Variants in NRG1 observed in about 807,000 individuals in gnomAD.
NRG1 encodes neuregulin 1.
In NRG1, 18 loss-of-function variants were observed where a neutral mutation model predicts 63.8. That is an observed-to-expected ratio of 0.28 (90% CI 0.19 to 0.42). The LOEUF (loss-of-function observed/expected upper bound fraction) is 0.42, where lower values mean the gene tolerates loss of function less well. Ranked by LOEUF, NRG1 falls within the 10% of genes least tolerant of loss-of-function variation. The pLI is 1.00. For missense variants in NRG1, 762 were observed against 814.7 expected, an observed-to-expected ratio of 0.94 and a Z score of 0.79; for synonymous variants, 302 against 301.3, an observed-to-expected ratio of 1.00 and a Z score of -0.02.
intron 1 of NRG1, among the ~76,000 whole-genome samples, chr8:32,436,894 TAC>T (rs10543606): frequency 0.75 from 112,184 of 149,522 alleles, 43,157 homozygotes; most frequent in Non-Finnish European, 0.85. Context: ...TATACACACA[TAC>T]ACACACACAC....
chr8:31,652,272 C>T (rs543640141), intron 1 of NRG1, among the ~76,000 whole-genome samples: 2 of 152,254 alleles, frequency 1.3e-5, no homozygotes, highest in African/African-American at 4.8e-5. Context: ...TCCCGTCTTC[C>T]CTCACTTCAA....
At chr8:32,338,829 C>T (rs1173650927) in intron 1 of NRG1, among the ~76,000 whole-genome samples, 1 of 152,060 alleles carries the variant, frequency 6.6e-6, no homozygotes, top group Non-Finnish European at 1.5e-5. Context: ...GGAGAATGTT[C>T]CTATTTAAGC....
At chr8:31,818,840 G>A (rs1180686747) in intron 1 of NRG1, among the ~76,000 whole-genome samples, 1 of 152,044 alleles carries the variant, frequency 6.6e-6, no homozygotes, top group Non-Finnish European at 1.5e-5. Context: ...GGCAGATCAC[G>A]AGGTCAGGAT....
At chr8:32,763,687 C>T (rs542682457) in intron 11 of NRG1, 61 bp from the exon 12 acceptor site, 2 of 1,467,132 alleles carry the variant, frequency 1.4e-6, no homozygotes, top group East Asian at 2.3e-5. Context: ...GTCCCCTTAC[C>T]TTCCCTGCTA....
chr8:31,751,486 A>T (rs1816457766), intron 1 of NRG1, among the ~76,000 whole-genome samples: 1 of 151,994 alleles, frequency 6.6e-6, no homozygotes, highest in African/African-American at 2.4e-5. Flanking sequence ...GTGGGAGAGT[A>T]CTATATAAGC....
intron 1 of NRG1, among the ~76,000 whole-genome samples, chr8:32,186,477 GAAAA>G: frequency 6.9e-6 from 1 of 145,130 alleles, no homozygotes; most frequent in Non-Finnish European, 1.5e-5. Flanking sequence ...AAAAAAAAAA[GAAAA>G]AAGAAAGAAA....
intron 1 of NRG1, among the ~76,000 whole-genome samples, chr8:32,520,628 T>C (rs911125836): frequency 2.0e-5 from 3 of 152,250 alleles, no homozygotes; most frequent in Non-Finnish European, 2.9e-5. Flanking sequence ...TAAAGTCATA[T>C]GAGTATATAG....
intron 1 of NRG1, among the ~76,000 whole-genome samples, chr8:31,755,044 C>G (rs1816830737): frequency 6.6e-6 from 1 of 152,000 alleles, no homozygotes; most frequent in Non-Finnish European, 1.5e-5. Flanking sequence ...TTTGTAGTTC[C>G]TGGAGTTGCA....
At chr8:31,687,754 T>C (rs1809054350) in intron 1 of NRG1, among the ~76,000 whole-genome samples, 1 of 152,224 alleles carries the variant, frequency 6.6e-6, no homozygotes, top group Admixed American at 6.5e-5. Context: ...GCCAACAACA[T>C]GGAAGCTTTA....
At chr8:31,770,616 G>T (rs549949834) in intron 1 of NRG1, among the ~76,000 whole-genome samples, 10 of 150,926 alleles carry the variant, frequency 6.6e-5, no homozygotes, top group African/African-American at 2.2e-4. Flanking sequence ...GGGGCCTGTT[G>T]TGGGGTGGGG....
At chr8:32,289,336 T>C (rs1294980823) in intron 1 of NRG1, among the ~76,000 whole-genome samples, 2 of 152,064 alleles carry the variant, frequency 1.3e-5, no homozygotes, top group Non-Finnish European at 2.9e-5. Flanking sequence ...ACCCCTCTTG[T>C]TCTCCAGCTC....
At chr8:32,451,462 T>TC (rs1240942650) in intron 1 of NRG1, among the ~76,000 whole-genome samples, 1 of 152,210 alleles carries the variant, frequency 6.6e-6, no homozygotes, top group African/African-American at 2.4e-5. Flanking sequence ...ATGCCCTTTT[T>TC]CCCCGGGGAG....
At chr8:32,367,834 G>T (rs924562994) in intron 1 of NRG1, among the ~76,000 whole-genome samples, 1 of 152,002 alleles carries the variant, frequency 6.6e-6, no homozygotes, top group African/African-American at 2.4e-5. Flanking sequence ...ATCCATTTTG[G>T]TTTAATTTTT....
intron 1 of NRG1, among the ~76,000 whole-genome samples, chr8:31,749,991 A>C (rs1377552580): frequency 1.3e-5 from 2 of 151,812 alleles, no homozygotes; most frequent in African/African-American, 4.8e-5. Flanking sequence ...TAGTTTCTCC[A>C]CGTTGCTTGT....
intron 1 of NRG1, among the ~76,000 whole-genome samples, chr8:32,064,850 A>C (rs1238687431): frequency 6.6e-6 from 1 of 152,172 alleles, no homozygotes; most frequent in Non-Finnish European, 1.5e-5. Flanking sequence ...CATAACAGTC[A>C]TATATTAGGT....
intron 1 of NRG1, among the ~76,000 whole-genome samples, chr8:32,423,271 C>T (rs1236441839): frequency 6.6e-6 from 1 of 152,170 alleles, no homozygotes; most frequent in Admixed American, 6.5e-5. Flanking sequence ...TCATCAGAGG[C>T]CATTTCATCT....
At chr8:32,440,563 C>T (rs1466591858) in intron 1 of NRG1, among the ~76,000 whole-genome samples, 2 of 152,118 alleles carry the variant, frequency 1.3e-5, no homozygotes, top group Non-Finnish European at 2.9e-5. Context: ...ATGCTATATA[C>T]TACAGAGAGC....
intron 1 of NRG1, among the ~76,000 whole-genome samples, chr8:31,695,244 G>A (rs944718485): frequency 6.6e-6 from 1 of 152,006 alleles, no homozygotes; most frequent in Non-Finnish European, 1.5e-5. Flanking sequence ...ATTTTGGCTC[G>A]CTGCACCCTC....
chr8:32,652,582 T>C (rs1855362106), intron 5 of NRG1, among the ~76,000 whole-genome samples: 1 of 152,190 alleles, frequency 6.6e-6, no homozygotes, highest in South Asian at 2.1e-4. Flanking sequence ...CATTGCATCA[T>C]ATCAAAATAA....
Sources: gnomAD v4.1 joint callset for allele counts (sites outside exome capture counted in the v4.1 genomes callset) on GRCh38, gnomAD v4.1.1 for gene constraint, MANE v1.5 for transcripts, NCBI Gene and HGNC (gene_info 2026-07-23, HGNC 2026-07-21) for gene names.